The following DIAPH2 variants were observed in gnomAD, a reference collection of about 807,000 sequenced individuals.
DIAPH2 encodes protein diaphanous homolog 2.
DIAPH2 carries 35 observed loss-of-function variants against 92.7 expected under a neutral mutation model. That is an observed-to-expected ratio of 0.38 (90% confidence interval 0.29 to 0.50). The LOEUF (loss-of-function observed/expected upper bound fraction) is 0.50. Ranked by LOEUF, DIAPH2 falls within the 20% of genes least tolerant of loss-of-function variation. The probability of loss-of-function intolerance (pLI) is 0.94; values close to 1 mark genes in which losing one functional copy is unlikely to be tolerated. For synonymous variants in DIAPH2, 301 were observed against 280.4 expected, an observed-to-expected ratio of 1.07 and a Z score of -0.73; for missense variants, 701 against 819.5, an observed-to-expected ratio of 0.86 and a Z score of 1.77.
chrX:96,772,263 A>G (rs949396170), intron 4 of DIAPH2, among the ~76,000 whole-genome samples: 1 of 111,963 alleles, frequency 8.9e-6, no homozygotes, highest in Non-Finnish European at 1.9e-5. Flanking sequence ...GAGTGTTTAA[A>G]GCCCTTCATG....
At chrX:97,285,828 C>T (rs1319173259) in intron 23 of DIAPH2, among the ~76,000 whole-genome samples, 4 of 110,714 alleles carry the variant, frequency 3.6e-5, no homozygotes, top group Non-Finnish European at 5.7e-5. Context: ...AACTCCTGAC[C>T]TTAAGTGATC....
At chrX:97,224,925 G>C (rs1449808691) in intron 22 of DIAPH2, among the ~76,000 whole-genome samples, 1 of 110,756 alleles carries the variant, frequency 9.0e-6, no homozygotes, top group Non-Finnish European at 1.9e-5. Context: ...GTTGACTGAG[G>C]CCCAAGGCAC....
chrX:96,730,467 C>T (rs1476350923), intron 1 of DIAPH2, among the ~76,000 whole-genome samples: 2 of 111,211 alleles, frequency 1.8e-5, no homozygotes, highest in Non-Finnish European at 1.9e-5. Context: ...AGTTGGAAGG[C>T]AGGCCTTTGA....
intron 4 of DIAPH2, chrX:96,793,656 C>G (rs1385242237): frequency 2.7e-6 from 1 of 373,173 alleles, no homozygotes; most frequent in Non-Finnish European, 5.2e-6. Flanking sequence ...GGTGTTTCTT[C>G]CTCTTATAAG....
chrX:97,574,591 A>G (rs1305754149), intron 26 of DIAPH2, among the ~76,000 whole-genome samples: 2 of 111,911 alleles, frequency 1.8e-5, no homozygotes, highest in African/African-American at 6.5e-5. Flanking sequence ...TTGGGTAGGA[A>G]AAGAAAAAGG....
At chrX:96,746,192 A>G (rs1056793118) in intron 3 of DIAPH2, among the ~76,000 whole-genome samples, 1 of 111,945 alleles carries the variant, frequency 8.9e-6, no homozygotes, top group African/African-American at 3.3e-5. Flanking sequence ...GAGCCACGGC[A>G]CCTGGCTTTG....
At chrX:97,446,237 TA>T (rs1320725457) in intron 26 of DIAPH2, among the ~76,000 whole-genome samples, 1 of 112,186 alleles carries the variant, frequency 8.9e-6, no homozygotes, top group Non-Finnish European at 1.9e-5. Context: ...TCTACACTCT[TA>T]AAAAAACTTT....
At chrX:97,028,622 A>G (rs2066351386) in intron 17 of DIAPH2, among the ~76,000 whole-genome samples, 1 of 112,378 alleles carries the variant, frequency 8.9e-6, no homozygotes, top group African/African-American at 3.2e-5. Context: ...GTGTTGTAGC[A>G]TATATCAATA....
intron 26 of DIAPH2, among the ~76,000 whole-genome samples, chrX:97,536,375 T>A (rs753035991): frequency 8.9e-5 from 10 of 112,052 alleles, no homozygotes; most frequent in African/African-American, 3.2e-4. Context: ...GGAATGAAAA[T>A]ATCATATGAG....
intron 19 of DIAPH2, among the ~76,000 whole-genome samples, chrX:97,096,683 T>G (rs1372183999): frequency 9.0e-6 from 1 of 111,417 alleles, no homozygotes; most frequent in Non-Finnish European, 1.9e-5. Flanking sequence ...CCTGCTTTCC[T>G]TTTTAAATGT....
chrX:96,939,757 C>T (rs1237511042), intron 12 of DIAPH2, among the ~76,000 whole-genome samples: 1 of 66,606 alleles, frequency 1.5e-5, no homozygotes, highest in African/African-American at 7.2e-5. Context: ...CTCCGCCTCC[C>T]GGGTTCACGC....
At chrX:97,230,808 A>G (rs750439927) in intron 22 of DIAPH2, among the ~76,000 whole-genome samples, 1 of 112,197 alleles carries the variant, frequency 8.9e-6, no homozygotes, top group East Asian at 2.8e-4. Flanking sequence ...TGGCCTCCCA[A>G]CGTGCTGGGA....
rs142011145 is a variant in DIAPH2 at position 97,551,650 on chromosome X, C to T, written c.3242-47603C>T. ...AAAAATTAAAATTAAATAAAATTTG[C>T]ACTATTATGATTCAGTAAAGCAGGA... On this transcript the variant is annotated intron_variant, in intron 26 of 26. Transcript: ENST00000324765. Among the ~76,000 whole-genome samples, 7 of 109,304 alleles carry T rather than the reference C, an allele frequency of 6.4e-5. No individual in the cohort carries two copies. In the East Asian group the frequency reaches 1.4e-3, roughly 22 times the overall value. 94.9% of individuals were successfully genotyped at this position (109,304 alleles called of 115,157 possible). A position where few individuals can be genotyped will look rare whatever the true frequency, so the allele number is the denominator to read the frequency against.
At chrX:96,851,712 C>A (rs2065007357) in intron 4 of DIAPH2, among the ~76,000 whole-genome samples, 1 of 111,903 alleles carries the variant, frequency 8.9e-6, no homozygotes, top group East Asian at 2.8e-4. Context: ...CTGGCTGAAT[C>A]CATGGATGAG....
chrX:97,179,715 G>T (rs1260795639), intron 22 of DIAPH2, among the ~76,000 whole-genome samples: 1 of 111,486 alleles, frequency 9.0e-6, no homozygotes, highest in Admixed American at 9.6e-5. Flanking sequence ...TATTCCTTTG[G>T]ATATATGCCT....
chrX:97,575,990 C>G (rs2071397642), intron 26 of DIAPH2, among the ~76,000 whole-genome samples: 1 of 111,697 alleles, frequency 9.0e-6, no homozygotes, highest in Non-Finnish European at 1.9e-5. Flanking sequence ...TGCCAGGCAG[C>G]CAAGCAAGGC....
intron 26 of DIAPH2, among the ~76,000 whole-genome samples, chrX:97,598,949 C>CAAAG (rs1203049660): frequency 8.9e-6 from 1 of 111,834 alleles, no homozygotes; most frequent in Non-Finnish European, 1.9e-5. Flanking sequence ...ACATCTTTAC[C>CAAAG]AAAGAATTTT....
Position 96,734,976 on chromosome X carries a change from T to A in DIAPH2, c.133-782T>A, listed in dbSNP as rs1464782173. ...TAACAGACAATTAAAAAAAATCTGG[T>A]TCTTTCCTAATCACACCCCTAATTG... On this transcript the variant is annotated intron_variant, in intron 1 of 26. Coordinates refer to ENST00000324765, the MANE Select transcript of DIAPH2 (RefSeq NM_006729.5). Among the ~76,000 whole-genome samples, 6 of 111,502 alleles carry A rather than the reference T, an allele frequency of 5.4e-5. No individual in the cohort carries two copies. In the East Asian group the frequency reaches 1.7e-3, roughly 31 times the overall value.
rs1316286754 is a variant in DIAPH2 at position 97,238,520 on chromosome X, A to G, written c.2720-9195A>G. 2.7e-5 allele frequency among the ~76,000 whole-genome samples: 3 copies of G among 110,496 alleles called. No individual in the cohort carries two copies. The East Asian group carries it at 8.5e-4, about 31-fold the overall frequency. On this transcript the variant is annotated intron_variant, in intron 22 of 26. Transcript: ENST00000324765. Reference sequence around the variant, plus strand: ...TTTAGAATGCACATTTTTAAGTTTTATGGAATAAGAATTCTAGTTGTGTTT... The same window carrying G: ...TTTAGAATGCACATTTTTAAGTTTTGTGGAATAAGAATTCTAGTTGTGTTT...
Sources: allele counts gnomAD v4.1 joint callset (sites outside exome capture counted in the v4.1 genomes callset), GRCh38; gene constraint gnomAD v4.1.1; transcripts MANE v1.5; gene names NCBI Gene and HGNC (gene_info 2026-07-23, HGNC 2026-07-21).